The following AOAH variants were observed in gnomAD, a reference collection of about 807,000 sequenced individuals.
AOAH encodes acyloxyacyl hydrolase (neutrophil).
AOAH carries 64 observed loss-of-function variants against 92.2 expected under a neutral mutation model. The ratio of observed to expected loss-of-function variants is 0.69; its 90% CI spans 0.57 to 0.86. The LOEUF (loss-of-function observed/expected upper bound fraction) is 0.86, where lower values mean the gene tolerates loss of function less well. Among genes scored for constraint, AOAH ranks in the 40% least tolerant of loss-of-function variants. The pLI, the probability that AOAH is intolerant of heterozygous loss-of-function variation, is 0.00. For missense variants in AOAH, 656 were observed against 694.6 expected, an observed-to-expected ratio of 0.94 and a Z score of 0.62; for synonymous variants, 263 against 254.5, an observed-to-expected ratio of 1.03 and a Z score of -0.32.
In AOAH at chr7:36,706,749, T is replaced by A. The variant is rs149434004; in HGVS notation, c.127+17273A>T. Reference sequence around the variant, plus strand: ...GCTGTAGCTTCTACATCAGCATGTGTTCCTTCACCTTGCACTTTTATGTTA... The same window carrying A: ...GCTGTAGCTTCTACATCAGCATGTGATCCTTCACCTTGCACTTTTATGTTA... On this transcript the variant is annotated intron_variant, in intron 1 of 20. Coordinates refer to ENST00000617537, the MANE Select transcript of AOAH (RefSeq NM_001637.4). 5.8e-4 allele frequency among the ~76,000 whole-genome samples: 88 copies of A among 152,302 alleles called. No individual in the cohort carries two copies. The Middle Eastern group carries it at 0.017, about 29-fold the overall frequency.
chr7:36,577,878 A>G (rs981523905), intron 12 of AOAH, among the ~76,000 whole-genome samples: 1 of 152,212 alleles, frequency 6.6e-6, no homozygotes, highest in Non-Finnish European at 1.5e-5. Context: ...TCACAACCTT[A>G]CATACAATCA....
In AOAH at chr7:36,531,244, G is replaced by A. The variant is rs79406449; in HGVS notation, c.1426-730C>T. ...CTAACTTTGGGTGGTGGAATTTTGC[G>A]TGATATTTGTTATTGTTCTTTATGC... On this transcript the variant is annotated intron_variant, in intron 18 of 20. Coordinates refer to ENST00000617537, the MANE Select transcript of AOAH (RefSeq NM_001637.4). Among the ~76,000 whole-genome samples the A allele has an allele frequency of 1.2e-3, 178 of 152,242 alleles. 1 individual carries two copies. In the East Asian group the frequency reaches 0.03, roughly 25 times the overall value.
chr7:36,524,502 TA>T (rs11309945), intron 19 of AOAH, among the ~76,000 whole-genome samples: 119,044 of 136,634 alleles, frequency 0.87, 52,550 homozygotes, highest in East Asian at 0.99. Flanking sequence ...AAAGAAAACC[TA>T]AAAAAAAAAA....
intron 20 of AOAH, among the ~76,000 whole-genome samples, chr7:36,520,084 T>G (rs1210319303): frequency 2.0e-5 from 3 of 152,226 alleles, no homozygotes; most frequent in African/African-American, 7.2e-5. Context: ...AGGAATAGCA[T>G]AAGATTATGG....
chr7:36,596,216 A>G (rs1297673070), intron 11 of AOAH, among the ~76,000 whole-genome samples: 1 of 141,832 alleles, frequency 7.1e-6, no homozygotes, highest in African/African-American at 2.6e-5. Flanking sequence ...TGAGATAACC[A>G]CGGTTAACAG....
At position 36,686,686 on chromosome 7, in the gene AOAH, G is replaced by A. The variant is rs368807095; in HGVS notation, c.223+13C>T. 1.0e-4 allele frequency: 153 copies of A among 1,497,080 alleles called. No homozygotes were observed. Among genetic ancestry groups the A allele is most frequent in the African/African-American group, 3.7e-4 (26 of 70,444 alleles). 92.7% of individuals were successfully genotyped at this position (1,497,080 alleles called of 1,614,324 possible). On this transcript the variant is annotated intron_variant, in intron 2 of 20. Coordinates refer to ENST00000617537, the MANE Select transcript of AOAH (RefSeq NM_001637.4). ...AAGCAGACCCTCAGCAGTATGACTC[G>A]TCCCATATTTACCAGGCAGGTAGCT... is the stretch of plus-strand genomic sequence containing the variant.
At chr7:36,684,031 A>G (rs1796814156) in intron 2 of AOAH, among the ~76,000 whole-genome samples, 1 of 152,138 alleles carries the variant, frequency 6.6e-6, no homozygotes, top group South Asian at 2.1e-4. Context: ...CTCAGTAACA[A>G]TGAACATTCC....
chr7:36,684,180 G>C (rs1374493493), intron 2 of AOAH, among the ~76,000 whole-genome samples: 1 of 152,142 alleles, frequency 6.6e-6, no homozygotes, highest in Non-Finnish European at 1.5e-5. Context: ...CAGTTAGTGA[G>C]GAAACTATCG....
intron 11 of AOAH, among the ~76,000 whole-genome samples, chr7:36,610,277 A>C (rs1256974520): frequency 6.6e-6 from 1 of 151,820 alleles, no homozygotes; most frequent in Non-Finnish European, 1.5e-5. Flanking sequence ...TATAATGAGT[A>C]TAAAAACAAA....
intron 1 of AOAH, among the ~76,000 whole-genome samples, chr7:36,696,264 T>G (rs1797702911): frequency 6.6e-6 from 1 of 152,222 alleles, no homozygotes; most frequent in Non-Finnish European, 1.5e-5. Flanking sequence ...CTGGCTTCTT[T>G]TAATTTCTAC....
At chr7:36,521,172 T>C (rs6462679) in intron 20 of AOAH, among the ~76,000 whole-genome samples, 148,140 of 152,126 alleles carry the variant, frequency 0.97, 72,210 homozygotes, top group East Asian at 1. Flanking sequence ...CCAGGCATGC[T>C]CCTCAGGTTT....
At chr7:36,518,583 G>A (rs1355743768) in intron 20 of AOAH, among the ~76,000 whole-genome samples, 1 of 152,216 alleles carries the variant, frequency 6.6e-6, no homozygotes, top group Non-Finnish European at 1.5e-5. Flanking sequence ...CTAAGCATGT[G>A]TGTGGAATAA....
intron 4 of AOAH, among the ~76,000 whole-genome samples, chr7:36,640,136 CCGGGGCTG>C (rs912372114): frequency 6.6e-6 from 1 of 152,008 alleles, no homozygotes; most frequent in Non-Finnish European, 1.5e-5. Flanking sequence ...GAAGCCAGGG[CCGGGGCTG>C]CAGGGAAATG....
chr7:36,590,204 C>T (rs1379683321), intron 12 of AOAH, among the ~76,000 whole-genome samples: 1 of 152,144 alleles, frequency 6.6e-6, no homozygotes, highest in Non-Finnish European at 1.5e-5. Flanking sequence ...GTAATCTTTT[C>T]ACCTCAGATG....
In AOAH at chr7:36,522,764, G is replaced by C. The variant is rs546425868; in HGVS notation, c.1523-649C>G. Among the ~76,000 whole-genome samples the C allele has an allele frequency of 8.7e-4, 133 of 152,214 alleles. 1 individual carries two copies. The highest frequency in any genetic ancestry group is 3.1e-3 in the African/African-American group (127 of 41,524). On this transcript the variant is annotated intron_variant, in intron 19 of 20. Transcript: ENST00000617537. ...ATACAGTCAGTAAGAACTCCTCAAG[G>C]AAACTTCAAATCCCTAGGAAGCCTC...
chr7:36,714,355 AG>A (rs1486194767), intron 1 of AOAH, among the ~76,000 whole-genome samples: 2 of 152,228 alleles, frequency 1.3e-5, no homozygotes, highest in African/African-American at 2.4e-5. Context: ...AACCAAAAAA[AG>A]TCCAGGACCA....
chr7:36,669,371 C>T (rs1795762909), intron 3 of AOAH, among the ~76,000 whole-genome samples: 1 of 146,736 alleles, frequency 6.8e-6, no homozygotes, highest in Non-Finnish European at 1.5e-5. Context: ...TATATTCCCC[C>T]CCCACCTTTT....
chr7:36,722,411 T>C (rs1278245784), intron 1 of AOAH, among the ~76,000 whole-genome samples: 1 of 152,174 alleles, frequency 6.6e-6, no homozygotes, highest in Non-Finnish European at 1.5e-5. Flanking sequence ...AACATTTAGT[T>C]TGCAATGAGC....
chr7:36,687,696 G>A (rs1797126172), intron 1 of AOAH, among the ~76,000 whole-genome samples: 1 of 152,122 alleles, frequency 6.6e-6, no homozygotes, highest in Non-Finnish European at 1.5e-5. Context: ...GCAAAGGAAG[G>A]TTTATGTCCT....
Sources: gnomAD v4.1 joint callset for allele counts (sites outside exome capture counted in the v4.1 genomes callset) on GRCh38, gnomAD v4.1.1 for gene constraint, MANE v1.5 for transcripts, NCBI Gene and HGNC (gene_info 2026-07-23, HGNC 2026-07-21) for gene names.